The following SAMMSON variants were observed in gnomAD, a reference collection of about 807,000 sequenced individuals.
SAMMSON encodes the protein survival associated mitochondrial melanoma specific oncogenic non-coding RNA, also known as long intergenic non-protein coding RNA 1212.
At chr3:70,394,632 CT>C (rs1701076574), downstream of SAMMSON, among the ~76,000 whole-genome samples, 1 of 152,158 alleles carries the variant, frequency 6.6e-6, no homozygotes, top group Non-Finnish European at 1.5e-5. Context: ...TGTGCCTGTA[CT>C]TATTGCCACT....
chr3:70,400,434 A>C (rs1575641613), intron 2 of SAMMSON, among the ~76,000 whole-genome samples: 3 of 151,940 alleles, frequency 2.0e-5, no homozygotes, highest in African/African-American at 7.3e-5. Flanking sequence ...TTCCTCTCTC[A>C]CCATGTGATC....
intron 2 of SAMMSON, among the ~76,000 whole-genome samples, chr3:70,434,537 A>G (rs1026731441): frequency 3.3e-5 from 5 of 152,248 alleles, no homozygotes; most frequent in African/African-American, 1.2e-4. Context: ...GATTTTCTAT[A>G]TGTAGACAAC....
chr3:70,376,897 A>G (rs530158961), intron 9 of SAMMSON, among the ~76,000 whole-genome samples: 2 of 152,202 alleles, frequency 1.3e-5, no homozygotes, highest in Non-Finnish European at 2.9e-5. Context: ...GTTTGGTTTA[A>G]TATTAAATAT....
intron 2 of SAMMSON, among the ~76,000 whole-genome samples, chr3:70,410,604 T>A (rs1424374127): frequency 2.6e-5 from 4 of 152,208 alleles, no homozygotes; most frequent in African/African-American, 7.2e-5. Context: ...AAGATTTTTT[T>A]AAAACCTTCA....
intron 4 of SAMMSON, chr3:70,206,903 A>G: frequency 2.5e-6 from 1 of 395,112 alleles, no homozygotes; most frequent in Non-Finnish European, 4.5e-6. Context: ...AAGTCTTAAG[A>G]AAACAAATGA....
In SAMMSON at chr3:70,193,278, A is replaced by G. The variant is rs535613613; in HGVS notation, n.508-55829A>G. ...TCTGTTGGAGAAGCCCCAAAATATA[A>G]TTTTAGTCCCATATTAATTAATTAA... On this transcript the variant is annotated intron_variant and non_coding_transcript_variant, in intron 4 of 9. Transcript: ENST00000642114. Among the ~76,000 whole-genome samples the G allele has an allele frequency of 4.6e-5, 7 of 152,226 alleles. No individual in the cohort carries two copies. The South Asian group carries it at 1.5e-3, about 32-fold the overall frequency.
intron 4 of SAMMSON, among the ~76,000 whole-genome samples, chr3:70,195,866 G>A (rs1050183388): frequency 4.6e-5 from 7 of 152,002 alleles, no homozygotes; most frequent in South Asian, 2.1e-4. Flanking sequence ...TATTTGAGTC[G>A]AAAATCACTT....
At chr3:70,124,434 A>G (rs952533111) in intron 4 of SAMMSON, among the ~76,000 whole-genome samples, 1 of 152,224 alleles carries the variant, frequency 6.6e-6, no homozygotes. Context: ...GGAATCACAT[A>G]TACAAAAAAT....
intron 4 of SAMMSON, among the ~76,000 whole-genome samples, chr3:70,178,307 C>T (rs1252551682): frequency 6.6e-6 from 1 of 152,158 alleles, no homozygotes; most frequent in Non-Finnish European, 1.5e-5. Context: ...ACACTTAAGA[C>T]AGCCCTCTTC....
intron 3 of SAMMSON, among the ~76,000 whole-genome samples, chr3:70,048,417 C>T (rs1289291292): frequency 6.6e-6 from 1 of 152,016 alleles, no homozygotes; most frequent in Non-Finnish European, 1.5e-5. Context: ...ACTTATTACA[C>T]ATAAATTTTT....
At chr3:70,210,745 A>T (rs1701335181) in intron 4 of SAMMSON, among the ~76,000 whole-genome samples, 1 of 151,218 alleles carries the variant, frequency 6.6e-6, no homozygotes, top group Admixed American at 6.6e-5. Context: ...AAACAAACCA[A>T]AATTAGGACA....
intron 3 of SAMMSON, among the ~76,000 whole-genome samples, chr3:70,031,265 G>T (rs57762086): frequency 3.3e-5 from 5 of 151,846 alleles, no homozygotes; most frequent in African/African-American, 1.2e-4. Flanking sequence ...TAAAAACATT[G>T]CACTGAATGA....
intron 6 of SAMMSON, among the ~76,000 whole-genome samples, chr3:70,258,825 C>T (rs1701840916): frequency 6.6e-6 from 1 of 152,062 alleles, no homozygotes. Context: ...AGGAGGCACA[C>T]AAAAACGCTG....
chr3:70,100,690 G>C (rs1576121880), intron 4 of SAMMSON, among the ~76,000 whole-genome samples: 1 of 152,076 alleles, frequency 6.6e-6, no homozygotes, highest in Non-Finnish European at 1.5e-5. Context: ...AATTTACTCT[G>C]TTCTCTTGTG....
chr3:70,041,471 C>A (rs2067106029), intron 3 of SAMMSON, among the ~76,000 whole-genome samples: 1 of 151,988 alleles, frequency 6.6e-6, no homozygotes, highest in Non-Finnish European at 1.5e-5. Flanking sequence ...ATCTCCAGGT[C>A]TCAGTTTCTT....
intron 9 of SAMMSON, among the ~76,000 whole-genome samples, chr3:70,359,363 G>A (rs1417484585): frequency 6.6e-6 from 1 of 152,076 alleles, no homozygotes; most frequent in Non-Finnish European, 1.5e-5. Flanking sequence ...AAATAGCCAG[G>A]TTTTGAATGG....
intron 3 of SAMMSON, chr3:70,014,697 A>G (rs560225994): frequency 4.5e-4 from 68 of 152,182 alleles, no homozygotes; most frequent in African/African-American, 1.5e-3. Flanking sequence ...CTTTCCTCCA[A>G]CTCTCAAAGT....
intron 3 of SAMMSON, chr3:70,013,706 A>G (rs778432071): frequency 6.6e-6 from 1 of 152,154 alleles, no homozygotes; most frequent in Non-Finnish European, 1.5e-5. Flanking sequence ...TTTTTAAAAC[A>G]CACATGGATG....
intron 6 of SAMMSON, among the ~76,000 whole-genome samples, chr3:70,286,689 G>A (rs900935472): frequency 1.3e-5 from 2 of 152,074 alleles, no homozygotes; most frequent in Non-Finnish European, 2.9e-5. Context: ...TCCTACCCAT[G>A]AGCATGGAAT....
Sources: allele counts gnomAD v4.1 joint callset (sites outside exome capture counted in the v4.1 genomes callset), GRCh38; gene constraint gnomAD v4.1.1; transcripts MANE v1.5; gene names NCBI Gene and HGNC (gene_info 2026-07-23, HGNC 2026-07-21).